The following CTNNA2 variants were observed in gnomAD, a reference collection of about 807,000 sequenced individuals.
CTNNA2 encodes catenin alpha-2.
A neutral mutation model predicts 101.0 loss-of-function variants in CTNNA2; 42 were observed. The observed-to-expected ratio is 0.42, with a 90% CI of 0.32 to 0.54. CTNNA2 has a LOEUF of 0.54. CTNNA2 is among the 20% of genes least tolerant of loss of function. The pLI is 0.14. For missense variants in CTNNA2, 871 were observed against 1,223.1 expected, an observed-to-expected ratio of 0.71 and a Z score of 4.29; for synonymous variants, 450 against 456.4, an observed-to-expected ratio of 0.99 and a Z score of 0.18.
intron 3 of CTNNA2, among the ~76,000 whole-genome samples, chr2:79,840,971 G>A (rs923198875): frequency 6.6e-5 from 10 of 152,028 alleles, no homozygotes; most frequent in African/African-American, 2.4e-4. Context: ...GGGTTTCACC[G>A]TGTTAGCCAA....
chr2:80,404,374 A>G (rs544394651), intron 8 of CTNNA2, among the ~76,000 whole-genome samples: 2 of 152,168 alleles, frequency 1.3e-5, no homozygotes, highest in South Asian at 4.2e-4. Flanking sequence ...TTCCCATTAT[A>G]TAGAGAAAAA....
intron 7 of CTNNA2, among the ~76,000 whole-genome samples, chr2:80,234,053 GT>G (rs66695624): frequency 0.99 from 145,852 of 147,728 alleles, 72,011 homozygotes; most frequent in East Asian, 1. Flanking sequence ...CTCACTATTT[GT>G]TTTTTTTTTT....
At chr2:79,366,099 A>G (rs953326240) in intron 3 of CTNNA2, among the ~76,000 whole-genome samples, 4 of 152,226 alleles carry the variant, frequency 2.6e-5, no homozygotes, top group Non-Finnish European at 1.5e-5. Flanking sequence ...GTTCTCTGCT[A>G]AAAGGCAAGA....
chr2:80,204,889 G>A (rs1356952392), intron 7 of CTNNA2, among the ~76,000 whole-genome samples: 1 of 151,862 alleles, frequency 6.6e-6, no homozygotes, highest in Non-Finnish European at 1.5e-5. Flanking sequence ...TCACAATCAT[G>A]ATGGAAGACA....
intron 7 of CTNNA2, among the ~76,000 whole-genome samples, chr2:79,968,852 C>G (rs1690276281): frequency 1.3e-5 from 2 of 151,476 alleles, no homozygotes; most frequent in African/African-American, 4.9e-5. Context: ...ACTTTGAATC[C>G]CTTCGTTGCT....
At chr2:79,375,015 A>G (rs1020183478) in intron 4 of CTNNA2, among the ~76,000 whole-genome samples, 37 of 152,300 alleles carry the variant, frequency 2.4e-4, no homozygotes, top group African/African-American at 8.9e-4. Context: ...GACGATTTTC[A>G]GCATAATAGA....
At chr2:79,811,785 G>T (rs1677060550) in intron 3 of CTNNA2, among the ~76,000 whole-genome samples, 1 of 151,888 alleles carries the variant, frequency 6.6e-6, no homozygotes, top group Admixed American at 6.6e-5. Context: ...ATTCATCCTG[G>T]GATTATAGTC....
chr2:79,344,883 A>T (rs986884379), intron 3 of CTNNA2, among the ~76,000 whole-genome samples: 1 of 146,390 alleles, frequency 6.8e-6, no homozygotes, highest in Non-Finnish European at 1.5e-5. Flanking sequence ...TATATATAAT[A>T]TATATATAAA....
At chr2:79,311,251 T>C (rs1014633580) in intron 2 of CTNNA2, among the ~76,000 whole-genome samples, 2 of 151,478 alleles carry the variant, frequency 1.3e-5, no homozygotes, top group African/African-American at 2.4e-5. Flanking sequence ...CTACTAAAAA[T>C]ACAAAAAATT....
At chr2:79,536,102 A>C (rs991348044) in intron 1 of CTNNA2, among the ~76,000 whole-genome samples, 3 of 152,206 alleles carry the variant, frequency 2.0e-5, no homozygotes, top group African/African-American at 7.2e-5. Flanking sequence ...GTAATGAGGC[A>C]CTGATTGGGG....
At chr2:79,469,617 G>A (rs1042487425) in intron 4 of CTNNA2, among the ~76,000 whole-genome samples, 2 of 152,152 alleles carry the variant, frequency 1.3e-5, no homozygotes, top group Non-Finnish European at 2.9e-5. Context: ...GAACATCGAT[G>A]CAAAAATCCT....
At chr2:80,320,305 A>G (rs1238796027) in intron 7 of CTNNA2, among the ~76,000 whole-genome samples, 1 of 152,234 alleles carries the variant, frequency 6.6e-6, no homozygotes. Flanking sequence ...TGCTTATAGC[A>G]TTGCCATTTC....
At chr2:79,190,730 A>G (rs1673842727) in intron 1 of CTNNA2, among the ~76,000 whole-genome samples, 1 of 152,174 alleles carries the variant, frequency 6.6e-6, no homozygotes, top group Non-Finnish European at 1.5e-5. Context: ...CTACCGATGA[A>G]TACCTATACT....
At chr2:80,106,448 G>T (rs895994937) in intron 7 of CTNNA2, among the ~76,000 whole-genome samples, 6 of 152,162 alleles carry the variant, frequency 3.9e-5, no homozygotes, top group African/African-American at 1.4e-4. Context: ...GTGTATCTGT[G>T]CATAAATTAG....
chr2:80,628,767 T>G (rs1671965118), intron 18 of CTNNA2, among the ~76,000 whole-genome samples: 1 of 152,038 alleles, frequency 6.6e-6, no homozygotes, highest in Non-Finnish European at 1.5e-5. Context: ...AGCCTTCCCT[T>G]GCTGAGTTAT....
intron 13 of CTNNA2, among the ~76,000 whole-genome samples, chr2:80,575,519 G>A (rs1395421515): frequency 1.3e-5 from 2 of 151,976 alleles, no homozygotes; most frequent in Non-Finnish European, 2.9e-5. Context: ...GGAAGAGAGG[G>A]CAAGGAAAGA....
intron 3 of CTNNA2, among the ~76,000 whole-genome samples, chr2:79,765,366 T>C (rs746711521): frequency 1.3e-5 from 2 of 152,222 alleles, no homozygotes; most frequent in African/African-American, 2.4e-5. Flanking sequence ...ATTATCTGCA[T>C]TCCCTGACTT....
intron 7 of CTNNA2, among the ~76,000 whole-genome samples, chr2:79,958,124 A>G (rs894567830): frequency 2.0e-5 from 3 of 152,188 alleles, no homozygotes; most frequent in African/African-American, 7.2e-5. Flanking sequence ...AACTTGACTC[A>G]ATATCCCAGA....
chr2:79,920,182 A>G (rs1264500392), intron 7 of CTNNA2, among the ~76,000 whole-genome samples: 1 of 152,154 alleles, frequency 6.6e-6, no homozygotes, highest in Non-Finnish European at 1.5e-5. Context: ...GTGTCACTGC[A>G]CTCCAACCTA....
Sources: allele counts gnomAD v4.1 joint callset (sites outside exome capture counted in the v4.1 genomes callset), GRCh38; gene constraint gnomAD v4.1.1; transcripts MANE v1.5; gene names NCBI Gene and HGNC (gene_info 2026-07-23, HGNC 2026-07-21).